The following SWT1 variants were observed in gnomAD, a reference collection of about 807,000 sequenced individuals.
SWT1 encodes SWT1 RNA endoribonuclease homolog, also known as transcriptional protein SWT1.
Under a neutral mutation model 107.3 loss-of-function variants are expected in SWT1, and 33 were observed. That is an observed-to-expected ratio of 0.31 (90% CI 0.23 to 0.41). The LOEUF is 0.41. Ranked by LOEUF, SWT1 falls within the 10% of genes least tolerant of loss-of-function variation. The pLI is 1.00. For missense variants in SWT1, 898 were observed against 1,028.9 expected (o/e 0.87, Z 1.74); for synonymous variants, 345 against 348.3 (o/e 0.99, Z 0.11).
At chr1:185,164,602 A>G (rs1654423992) in intron 2 of SWT1, among the ~76,000 whole-genome samples, 1 of 152,112 alleles carries the variant, frequency 6.6e-6, no homozygotes, top group Non-Finnish European at 1.5e-5. Context: ...TTGTACTTTT[A>G]TGTTACAGAG....
At position 185,283,838 on chromosome 1, in the gene SWT1, T is replaced by TCA. The variant is rs1206845992; in HGVS notation, c.2574-6825_2574-6824dup. ...CTTTTCGTGGCTGAATAAGATTCCA[T>TCA]CACACACACACATATATACACACCA... is the stretch of plus-strand genomic sequence containing the variant. On this transcript the variant is annotated intron_variant, in intron 18 of 18. Transcript: ENST00000367500. Among the ~76,000 whole-genome samples, 10 of 152,080 alleles carry TCA rather than the reference T, an allele frequency of 6.6e-5. No homozygotes were observed. The East Asian group carries it at 9.6e-4, about 15-fold the overall frequency.
chr1:185,246,623 CTT>C (rs375322237), intron 16 of SWT1, among the ~76,000 whole-genome samples: 45 of 96,452 alleles, frequency 4.7e-4, no homozygotes, highest in East Asian at 3.7e-3. Flanking sequence ...TTTTGGAGAG[CTT>C]TTTTTTTTTT....
chr1:185,270,126 G>A (rs757553329), intron 16 of SWT1, among the ~76,000 whole-genome samples: 1 of 152,094 alleles, frequency 6.6e-6, no homozygotes, highest in Non-Finnish European at 1.5e-5. Context: ...GTAGCCCTAC[G>A]AAGTAGGGAC....
At chr1:185,287,532 T>C (rs1665017197) in intron 18 of SWT1, among the ~76,000 whole-genome samples, 1 of 152,116 alleles carries the variant, frequency 6.6e-6, no homozygotes, top group Admixed American at 6.5e-5. Flanking sequence ...TAGATGGTTT[T>C]TATAGGCCCA....
intron 16 of SWT1, among the ~76,000 whole-genome samples, chr1:185,235,027 C>T (rs1660765570): frequency 1.3e-5 from 2 of 152,144 alleles, no homozygotes; most frequent in Admixed American, 1.3e-4. Context: ...AGTCGAATCC[C>T]TGAATAGACC....
At chr1:185,173,042 CAAAA>C (rs71555458) in intron 4 of SWT1, among the ~76,000 whole-genome samples, 1 of 87,370 alleles carries the variant, frequency 1.1e-5, no homozygotes, top group Non-Finnish European at 2.3e-5. Context: ...GACTCCGTCT[CAAAA>C]AAAAAAAAAA....
chr1:185,250,938 C>T (rs753955542), intron 16 of SWT1, among the ~76,000 whole-genome samples: 19 of 152,198 alleles, frequency 1.2e-4, no homozygotes, highest in Non-Finnish European at 2.1e-4. Context: ...GCTGGGATTA[C>T]AGGTATGAGC....
chr1:185,266,102 T>C (rs1340205137), intron 16 of SWT1, among the ~76,000 whole-genome samples: 3 of 152,182 alleles, frequency 2.0e-5, no homozygotes, highest in Non-Finnish European at 2.9e-5. Flanking sequence ...CTCGCTCAGT[T>C]GCCCAGGCTG....
intron 18 of SWT1, chr1:185,281,674 C>T (rs964431927): frequency 2.9e-5 from 5 of 173,356 alleles, no homozygotes; most frequent in Admixed American, 1.8e-4. Flanking sequence ...CCTGCACAGC[C>T]TCATCAACAA....
chr1:185,190,604 C>G lies in SWT1; in HGVS notation c.1485C>G (p.His495Gln). 6.2e-7 allele frequency: 1 copy of G among 1,610,624 alleles called. No individual in the cohort carries two copies. The highest frequency in any genetic ancestry group is 8.5e-7 in the Non-Finnish European group (1 of 1,177,228). ...DDRVLKCCLQHQELFPCSFVI... is the reference protein window; with the variant it reads ...DDRVLKCCLQQQELFPCSFVI... The stretch of plus-strand genomic sequence containing the variant: ...GAGTACTAAAATGCTGTCTCCAGCA[C>G]CAGGAATTATTCCCTTGTTCTTTTG... The change falls in exon 10 of 19, where the codon CAC becomes CAG. Residue 495 changes from histidine (H) to glutamine (Q), a missense_variant. Transcript: ENST00000367500.
chr1:185,272,174 T>TC (rs1663915253), intron 17 of SWT1, among the ~76,000 whole-genome samples: 1 of 152,218 alleles, frequency 6.6e-6, no homozygotes, highest in Admixed American at 6.5e-5. Context: ...TAATTTAGTT[T>TC]CCTCTATAGT....
At chr1:185,173,042 CAA>C (rs71555458) in intron 4 of SWT1, among the ~76,000 whole-genome samples, 30 of 87,366 alleles carry the variant, frequency 3.4e-4, no homozygotes, top group African/African-American at 1.0e-3. Flanking sequence ...GACTCCGTCT[CAA>C]AAAAAAAAAA....
intron 9 of SWT1, among the ~76,000 whole-genome samples, chr1:185,188,685 G>T (rs1330843580): frequency 1.3e-5 from 2 of 152,174 alleles, no homozygotes; most frequent in African/African-American, 4.8e-5. Context: ...TGAAGGATTA[G>T]AGGACTAAGT....
chr1:185,244,851 C>A (rs1208048414), intron 16 of SWT1, among the ~76,000 whole-genome samples: 2 of 152,086 alleles, frequency 1.3e-5, no homozygotes, highest in Non-Finnish European at 2.9e-5. Flanking sequence ...GAGGCCAAGG[C>A]AGGGGGTTTG....
intron 16 of SWT1, among the ~76,000 whole-genome samples, chr1:185,250,205 G>A (rs2102641644): frequency 6.6e-6 from 1 of 152,272 alleles, no homozygotes; most frequent in Non-Finnish European, 1.5e-5. Context: ...ATAGCTCACT[G>A]CAGCCTCGAA....
chr1:185,180,214 G>A (rs1036816003), intron 5 of SWT1, among the ~76,000 whole-genome samples, 177 bp from the exon 6 acceptor site: 2 of 152,048 alleles, frequency 1.3e-5, no homozygotes, highest in Non-Finnish European at 2.9e-5. Context: ...AGGGGTAGGT[G>A]GGTAGTACTA....
At chr1:185,262,575 A>G (rs1052966910) in intron 16 of SWT1, 5 of 152,200 alleles carry the variant, frequency 3.3e-5, no homozygotes, top group East Asian at 1.9e-4. Context: ...TAGAGCCACC[A>G]TAACAAAATA....
intron 10 of SWT1, among the ~76,000 whole-genome samples, chr1:185,201,516 C>A (rs944170499): frequency 6.6e-6 from 1 of 152,168 alleles, no homozygotes; most frequent in Non-Finnish European, 1.5e-5. Context: ...AGTTCCCTGA[C>A]CTCTTGCACT....
At chr1:185,250,362 A>C (rs1389796942) in intron 16 of SWT1, among the ~76,000 whole-genome samples, 1 of 152,206 alleles carries the variant, frequency 6.6e-6, no homozygotes, top group Non-Finnish European at 1.5e-5. Context: ...TCTGAGTCTC[A>C]ACAAAAGGTT....
Sources: allele counts gnomAD v4.1 joint callset (sites outside exome capture counted in the v4.1 genomes callset), GRCh38; gene constraint gnomAD v4.1.1; transcripts MANE v1.5; gene names NCBI Gene and HGNC (gene_info 2026-07-23, HGNC 2026-07-21).